LRMDA: variants seen among roughly 807,000 people sequenced by gnomAD.
The protein encoded by LRMDA is leucine rich melanocyte differentiation associated.
A neutral mutation model predicts 29.8 loss-of-function variants in LRMDA; 18 were observed. The ratio of observed to expected loss-of-function variants is 0.60; its 90% CI spans 0.42 to 0.90. The LOEUF is 0.90. Ranked by LOEUF, LRMDA falls within the 40% of genes least tolerant of loss-of-function variation. The probability of loss-of-function intolerance (pLI) is 0.00; values close to 1 mark genes in which losing one functional copy is unlikely to be tolerated. For missense variants in LRMDA, 273 were observed against 273.9 expected, an observed-to-expected ratio of 1.00 and a Z score of 0.02; for synonymous variants, 125 against 109.4, an observed-to-expected ratio of 1.14 and a Z score of -0.89.
chr10:75,468,682 G>C (rs930651598), intron 2 of LRMDA, among the ~76,000 whole-genome samples: 1 of 152,018 alleles, frequency 6.6e-6, no homozygotes, highest in Non-Finnish European at 1.5e-5. Flanking sequence ...AGGTCTTTGC[G>C]GGGGGCTGTC....
rs71028203 is a variant in LRMDA, at chr10:76,543,316, C to CTGTGTG, written c.602-13853_602-13848dup. Among the ~76,000 whole-genome samples the CTGTGTG allele has an allele frequency of 1.6e-3, 225 of 144,218 alleles. No homozygotes were observed. The Middle Eastern group carries it at 0.019, about 12-fold the overall frequency. The allele number at this position is 144,218 out of a possible 152,430, so 94.6% of individuals were successfully genotyped here. A position where few individuals can be genotyped will look rare whatever the true frequency, so the allele number is the denominator to read the frequency against. ...GAATTTAGTTGTTATTGGGGTGTGCCTGTGTGTGTGTGTGTGTGTGTGTGT... is the reference window on the plus strand; with the variant it reads ...GAATTTAGTTGTTATTGGGGTGTGCCTGTGTGTGTGTGTGTGTGTGTGTGTGTGTGT... On this transcript the variant is annotated intron_variant, in intron 6 of 6. Transcript: ENST00000611255.
intron 1 of LRMDA, among the ~76,000 whole-genome samples, chr10:75,437,413 G>A (rs145693621): frequency 1.2e-4 from 19 of 152,334 alleles, no homozygotes; most frequent in African/African-American, 2.6e-4. Flanking sequence ...GGTTATAGCC[G>A]TGTCTTGGGC....
chr10:75,824,364 A>G (rs1274097754), intron 2 of LRMDA, among the ~76,000 whole-genome samples: 1 of 152,212 alleles, frequency 6.6e-6, no homozygotes, highest in Non-Finnish European at 1.5e-5. Flanking sequence ...TTGTAATTAA[A>G]GTTGCCCACT....
chr10:76,405,154 T>TA (rs1411182894), intron 6 of LRMDA, among the ~76,000 whole-genome samples: 1 of 152,158 alleles, frequency 6.6e-6, no homozygotes, highest in Non-Finnish European at 1.5e-5. Context: ...ACAACAGCAA[T>TA]AAAAAACTAA....
intron 6 of LRMDA, among the ~76,000 whole-genome samples, chr10:76,373,553 A>C (rs943739978): frequency 6.6e-6 from 1 of 152,048 alleles, no homozygotes; most frequent in Admixed American, 6.6e-5. Flanking sequence ...CCTGGACAAG[A>C]TATTGTTATC....
At chr10:75,883,419 C>T (rs1845326894) in intron 2 of LRMDA, 1 of 152,220 alleles carries the variant, frequency 6.6e-6, no homozygotes, top group Admixed American at 6.5e-5. Flanking sequence ...TGCTCAACAG[C>T]ACACCCAAGA....
intron 2 of LRMDA, among the ~76,000 whole-genome samples, chr10:75,494,124 C>A (rs942654354): frequency 6.6e-6 from 1 of 152,314 alleles, no homozygotes; most frequent in Middle Eastern, 3.4e-3. Flanking sequence ...TTGTAAAGTT[C>A]ATATGCTATG....
chr10:75,745,252 ATCTCTCTCTCTCTTTC>A (rs1842875806), intron 2 of LRMDA, among the ~76,000 whole-genome samples: 1 of 151,640 alleles, frequency 6.6e-6, no homozygotes, highest in Non-Finnish European at 1.5e-5. Flanking sequence ...TTTATTCATC[ATCTCTCTCTCTCTTTC>A]TCTCTCTCTC....
At chr10:76,350,896 CT>C (rs1564517116) in intron 6 of LRMDA, among the ~76,000 whole-genome samples, 15 of 152,196 alleles carry the variant, frequency 9.9e-5, no homozygotes. Flanking sequence ...ATGAAACCAC[CT>C]CGTTAATTTC....
At chr10:75,851,559 C>A (rs1421715749) in intron 2 of LRMDA, among the ~76,000 whole-genome samples, 2 of 152,176 alleles carry the variant, frequency 1.3e-5, no homozygotes, top group Non-Finnish European at 2.9e-5. Flanking sequence ...ACTACTTGTT[C>A]TGAAGATAAA....
Position 76,007,031 on chromosome 10 carries a change from T to TGTGTGTGTGTGTGC in LRMDA, c.132-28976_132-28975insTGTGTGTGTGTGCG, listed in dbSNP as rs1230411095. ...GTGTGTGTGTGTGTGTGTGTGTGTGTGCGCGTGTGTGTTTATATATTTATT... is the reference window on the plus strand; with the variant it reads ...GTGTGTGTGTGTGTGTGTGTGTGTGTGTGTGTGTGTGTGCGCGCGTGTGTGTTTATATATTTATT... On this transcript the variant is annotated intron_variant, in intron 2 of 6. Coordinates refer to ENST00000611255, the MANE Select transcript of LRMDA (RefSeq NM_001305581.2). Among the ~76,000 whole-genome samples, 55 of 26,960 alleles carry TGTGTGTGTGTGTGC rather than the reference T, an allele frequency of 2.0e-3. 1 individual carries two copies. The highest frequency in any genetic ancestry group is 9.4e-3 in the East Asian group (12 of 1,276). The allele number at this position is 26,960 out of a possible 152,430, so 17.7% of individuals were successfully genotyped here. A position where few individuals can be genotyped will look rare whatever the true frequency, so the allele number is the denominator to read the frequency against.
chr10:75,547,902 G>T (rs1840098184), intron 2 of LRMDA, among the ~76,000 whole-genome samples: 1 of 152,068 alleles, frequency 6.6e-6, no homozygotes, highest in Non-Finnish European at 1.5e-5. Flanking sequence ...CAGCTGGCTT[G>T]GTTTATGTAG....
chr10:75,831,061 T>C (rs1224369918), intron 2 of LRMDA, among the ~76,000 whole-genome samples: 1 of 152,138 alleles, frequency 6.6e-6, no homozygotes, highest in East Asian at 1.9e-4. Context: ...TTTTTTTTTT[T>C]TGAGACAGAG....
intron 2 of LRMDA, among the ~76,000 whole-genome samples, chr10:75,691,260 G>A (rs975700948): frequency 7.7e-6 from 1 of 130,242 alleles, no homozygotes; most frequent in Non-Finnish European, 1.5e-5. Context: ...GTATGTATAT[G>A]TGTATATATA....
chr10:75,447,083 A>G (rs368250088), intron 2 of LRMDA, among the ~76,000 whole-genome samples: 2 of 152,344 alleles, frequency 1.3e-5, no homozygotes, highest in South Asian at 4.1e-4. Context: ...TTAGAAGATA[A>G]ATTGTTAGTG....
chr10:76,239,464 G>A (rs1247498), intron 5 of LRMDA, among the ~76,000 whole-genome samples: 99,358 of 152,050 alleles, frequency 0.65, 33,048 homozygotes, highest in African/African-American at 0.8. Flanking sequence ...GTTTGATTCA[G>A]TGTCCAAACA....
chr10:75,944,152 T>A (rs1846439942), intron 2 of LRMDA, among the ~76,000 whole-genome samples: 1 of 152,204 alleles, frequency 6.6e-6, no homozygotes, highest in African/African-American at 2.4e-5. Context: ...TATGTTGCCT[T>A]CATTTTCGAA....
rs1426559352 is a variant in LRMDA at position 75,955,881 on chromosome 10, CT to C, written c.132-80126del. Among the ~76,000 whole-genome samples the C allele has an allele frequency of 2.6e-5, 4 of 152,248 alleles. No individual in the cohort carries two copies. In the East Asian group the frequency reaches 7.7e-4, roughly 29 times the overall value. On this transcript the variant is annotated intron_variant, in intron 2 of 6. Coordinates refer to ENST00000611255, the MANE Select transcript of LRMDA (RefSeq NM_001305581.2). ...GGCATTTCAGAGAGAGGATAGATAT[CT>C]GAAAATGGGAGTATGTCTTTATTTT...
At chr10:76,378,369 C>G (rs188174968) in intron 6 of LRMDA, among the ~76,000 whole-genome samples, 1 of 152,100 alleles carries the variant, frequency 6.6e-6, no homozygotes, top group African/African-American at 2.4e-5. Context: ...ATTTGGATGC[C>G]TTTTATTTAT....
Sources: allele counts gnomAD v4.1 joint callset (sites outside exome capture counted in the v4.1 genomes callset), GRCh38; gene constraint gnomAD v4.1.1; transcripts MANE v1.5; gene names NCBI Gene and HGNC (gene_info 2026-07-23, HGNC 2026-07-21).